The following ZNF142 variants were observed in gnomAD, a reference collection of about 807,000 sequenced individuals.
The protein encoded by ZNF142 is zinc finger protein 142 (clone pHZ-49).
In ZNF142, 96 loss-of-function variants were observed where a neutral mutation model predicts 132.1. That is an observed-to-expected ratio of 0.73 (90% CI 0.62 to 0.86). The LOEUF (loss-of-function observed/expected upper bound fraction) is 0.86, where lower values mean the gene tolerates loss of function less well. Ranked by LOEUF, ZNF142 falls within the 40% of genes least tolerant of loss-of-function variation. The pLI is 0.00. For missense variants in ZNF142, 2,163 were observed against 2,336.2 expected, an observed-to-expected ratio of 0.93 and a Z score of 1.53; for synonymous variants, 842 against 890.1, an observed-to-expected ratio of 0.95 and a Z score of 0.96.
rs1453845977 is a variant in ZNF142 at position 218,634,898 on chromosome 2, T to C, written c.*3441A>G. Among the ~76,000 whole-genome samples, 1 of 152,124 alleles carries C rather than the reference T, an allele frequency of 6.6e-6. No individual in the cohort carries two copies. Among genetic ancestry groups the C allele is most frequent in the East Asian group, 1.9e-4 (1 of 5,196 alleles). ...CTGCCTCACAGGGTTATAAGGAGTA[T>C]AACAGTTAATATAAAGTTCTTACAA... On this transcript the variant is annotated 3_prime_UTR_variant, in exon 11 of 11. Coordinates refer to ENST00000411696, the MANE Select transcript of ZNF142 (RefSeq NM_001379659.1). This position sits in a 1 kb window ranked among gnomAD's most constrained non-coding sequence, Gnocchi z 4.0.
Position 218,643,346 on chromosome 2 carries a change from C to T in ZNF142, c.3770G>A (p.Gly1257Glu). Residue 1257 changes from glycine (G) to glutamate (E), a missense_variant, in exon 9 of 11, where the codon GGA becomes GAA. By Grantham distance (98) the Gly-to-Glu change is moderately conservative. This residue lies in a region of ZNF142 where 809 missense variants were observed against 801.7 expected (regional missense o/e 1.01). Transcript: ENST00000411696. ...EGCRGGRGGG[G>E]KRGTPQTQPD... The stretch of plus-strand genomic sequence containing the variant: ...CTGGGTCTGGGGGGTCCCTCGTTTT[C>T]CTCCCCCGCCACGTCCCCCCCTGCA... 1 of 1,614,170 alleles carries T rather than the reference C, an allele frequency of 6.2e-7. No homozygotes were observed. The highest frequency in any genetic ancestry group is 8.5e-7 in the Non-Finnish European group (1 of 1,180,016).
chr2:218,645,471 G>A (rs1015971854), intron 8 of ZNF142, among the ~76,000 whole-genome samples: 1 of 152,202 alleles, frequency 6.6e-6, no homozygotes, highest in Non-Finnish European at 1.5e-5. Flanking sequence ...ACAGAGGCAT[G>A]ACAGGTCTAG....
At chr2:218,647,340 G>A (rs1319284845) in intron 7 of ZNF142, among the ~76,000 whole-genome samples, 1 of 147,784 alleles carries the variant, frequency 6.8e-6, no homozygotes, top group African/African-American at 2.5e-5. Context: ...GGAGAATGGC[G>A]TGAACCCAGG....
In ZNF142 at chr2:218,643,069, G is replaced by A; in HGVS notation, c.4047C>T (p.Ala1349=). ...LCPFTAPAAT[A]LRLHQKRRHP... is the part of the protein sequence containing the mutation. ...GCCTCCGCTTCTGGTGGAGCCTTAA[G>A]GCAGTGGCAGCAGGAGCAGTGAATG... Residue 1349 remains alanine, a synonymous_variant, in exon 9 of 11, where the codon GCC becomes GCT. Coordinates refer to ENST00000411696, the MANE Select transcript of ZNF142 (RefSeq NM_001379659.1). The A allele has an allele frequency of 6.2e-7, 1 of 1,604,372 alleles. No individual in the cohort carries two copies. Among genetic ancestry groups the A allele is most frequent in the Non-Finnish European group, 8.5e-7 (1 of 1,175,222 alleles).
intron 4 of ZNF142, 30 bp from the exon 5 acceptor site, chr2:218,652,330 A>C (rs753229688): frequency 4.4e-6 from 2 of 456,476 alleles, no homozygotes; most frequent in Non-Finnish European, 8.8e-6. Flanking sequence ...AGAGAAAGGC[A>C]TAGAATCAGA....
At position 218,643,346 on chromosome 2, in the gene ZNF142, C is replaced by A. The variant is rs1169466558; in HGVS notation, c.3770G>T (p.Gly1257Val). The A allele has an allele frequency of 4.3e-6, 7 of 1,614,052 alleles. No homozygotes were observed. Among genetic ancestry groups the A allele is most frequent in the Non-Finnish European group, 5.9e-6 (7 of 1,180,024 alleles). ...CTGGGTCTGGGGGGTCCCTCGTTTT[C>A]CTCCCCCGCCACGTCCCCCCCTGCA... ...EGCRGGRGGG[G>V]KRGTPQTQPD... Residue 1257 changes from glycine (G) to valine (V), a missense_variant, in exon 9 of 11, where the codon GGA (glycine) becomes GTA (valine). Gly to Val is a moderately radical substitution (Grantham distance 109). This residue lies in a region of ZNF142 where 809 missense variants were observed against 801.7 expected (regional missense o/e 1.01). Coordinates refer to ENST00000411696, the MANE Select transcript of ZNF142 (RefSeq NM_001379659.1).
rs1434988229 is a variant in ZNF142 at position 218,635,861 on chromosome 2, G to A, written c.*2478C>T. 6.2e-7 allele frequency: 1 copy of A among 1,613,988 alleles called. No individual in the cohort carries two copies. Among genetic ancestry groups the A allele is most frequent in the Admixed American group, 1.7e-5 (1 of 60,026 alleles). On this transcript the variant is annotated 3_prime_UTR_variant, in exon 11 of 11. Coordinates refer to ENST00000411696, the MANE Select transcript of ZNF142 (RefSeq NM_001379659.1). ...AAGAGGGGTCCATTGTGGATCCACT[G>A]GTGAAAGTGCAGATCTTTGGCGTTC...
In ZNF142 at chr2:218,644,425, T is replaced by C. The variant is rs1174511362; in HGVS notation, c.2691A>G (p.Leu897=). The change falls in exon 9 of 11, where the codon CTA becomes CTG. Residue 897 remains leucine, a synonymous_variant. Coordinates refer to ENST00000411696, the MANE Select transcript of ZNF142 (RefSeq NM_001379659.1). The surrounding 1 kb of genome is among the most constrained non-coding windows in gnomAD (Gnocchi z 4.6). ...EVEEGSCTLH[L]EALGVELESV... Reference sequence around the variant, plus strand: ...ACTCCAGCTCTACTCCCAGGGCCTCTAGGTGTAGTGTGCAGCTGCCCTCCT... The same window carrying C: ...ACTCCAGCTCTACTCCCAGGGCCTCCAGGTGTAGTGTGCAGCTGCCCTCCT... 2.5e-6 allele frequency: 4 copies of C among 1,613,990 alleles called. No individual in the cohort carries two copies. The highest frequency in any genetic ancestry group is 3.3e-5 in the Admixed American group (2 of 60,014).
At position 218,637,693 on chromosome 2, in the gene ZNF142, G is replaced by T. The variant is rs559741592; in HGVS notation, c.*646C>A. 6.6e-6 allele frequency among the ~76,000 whole-genome samples: 1 copy of T among 152,168 alleles called. No homozygotes were observed. The highest frequency in any genetic ancestry group is 6.6e-5 in the Admixed American group (1 of 15,266). On this transcript the variant is annotated 3_prime_UTR_variant, in exon 11 of 11. Transcript: ENST00000411696. ...AGTGGGTAGCAATCCTCCCTCTATA[G>T]ATACAGGTAGACAAAGGAGCTTGGA...
intron 3 of ZNF142, 83 bp from the exon 4 acceptor site, chr2:218,656,546 C>T: frequency 9.8e-7 from 1 of 1,015,890 alleles, no homozygotes; most frequent in Non-Finnish European, 1.3e-6. Flanking sequence ...CAGCCCAGTG[C>T]CCACCCACTT....
rs1303126628 is a variant in ZNF142, at chr2:218,643,082, G to A, written c.4034C>T (p.Pro1345Leu). ...GTGGAGCCTTAAGGCAGTGGCAGCA[G>A]GAGCAGTGAATGGGCAGAGGCTGCA... ...LHCSLCPFTAPAATALRLHQK... is the reference protein window; with the variant it reads ...LHCSLCPFTALAATALRLHQK... Residue 1345 changes from proline to leucine, a missense_variant, in exon 9 of 11, where the codon CCT becomes CTT. Pro to Leu is a moderately conservative substitution (Grantham distance 98, BLOSUM62 -3). Transcript: ENST00000411696. 6.2e-7 allele frequency: 1 copy of A among 1,607,176 alleles called. No homozygotes were observed. Among genetic ancestry groups the A allele is most frequent in the African/African-American group, 1.3e-5 (1 of 74,854 alleles).
intron 7 of ZNF142, among the ~76,000 whole-genome samples, chr2:218,647,683 A>G (rs1379752190): frequency 1.3e-5 from 2 of 152,172 alleles, no homozygotes; most frequent in Admixed American, 1.3e-4. Flanking sequence ...TGAGCTGTCC[A>G]TATTGATGGT....
Position 218,642,038 on chromosome 2 carries a change from G to C in ZNF142, c.5078C>G (p.Ser1693Cys). 1.2e-6 allele frequency: 2 copies of C among 1,613,644 alleles called. No individual in the cohort carries two copies. The highest frequency in any genetic ancestry group is 1.7e-6 in the Non-Finnish European group (2 of 1,179,582). ...HLCPYACADP[S>C]RLKYHMRIHK... ...ATCCTCTGACATTACCTTGAGACGA[G>C]AGGGATCAGCACAGGCATAGGGGCA... is the stretch of plus-strand genomic sequence containing the variant. Residue 1693 changes from serine (S) to cysteine (C), a missense_variant, in exon 9 of 11, where the codon TCT becomes TGT. Around this residue, in one of 7 missense-constraint regions of ZNF142, gnomAD observed 325 missense variants for 367.8 expected, o/e 0.88. Transcript: ENST00000411696. This position sits in a 1 kb window ranked among gnomAD's most constrained non-coding sequence, Gnocchi z 4.6.
Position 218,650,528 on chromosome 2 carries a change from T to G in ZNF142, c.881-2A>C. 6.4e-7 allele frequency: 1 copy of G among 1,565,782 alleles called. No individual in the cohort carries two copies. The stretch of plus-strand genomic sequence containing the variant: ...TCTCTCCTGGAGGCAGTTTGGGAGC[T>G]GGAGATACATAAAACTTGATAAAGT... On this transcript the variant is annotated splice_acceptor_variant, in intron 5 of 10. Transcript: ENST00000411696. LOFTEE classifies it high-confidence loss of function.
At chr2:218,655,616 A>G (rs1938411028) in intron 4 of ZNF142, among the ~76,000 whole-genome samples, 1 of 152,164 alleles carries the variant, frequency 6.6e-6, no homozygotes, top group African/African-American at 2.4e-5. Flanking sequence ...CAGCCTCCCA[A>G]GTAGCTGAGA....
At position 218,648,630 on chromosome 2, in the gene ZNF142, C is replaced by T. The variant is rs1937658874; in HGVS notation, c.1873+5G>A. 2 of 1,610,724 alleles carry T rather than the reference C, an allele frequency of 1.2e-6. No individual in the cohort carries two copies. The highest frequency in any genetic ancestry group is 2.2e-5 in the South Asian group (2 of 90,984). The stretch of plus-strand genomic sequence containing the variant: ...ACATTATTTTAAGGATGGAAACCAT[C>T]CTACCCGTATGTAGAAGCATGTGTC... On this transcript the variant is annotated splice_donor_5th_base_variant and intron_variant, in intron 7 of 10. Coordinates refer to ENST00000411696, the MANE Select transcript of ZNF142 (RefSeq NM_001379659.1).
At position 218,656,149 on chromosome 2, in the gene ZNF142, C is replaced by T. The variant is rs748636453; in HGVS notation, c.280+1G>A. The T allele has an allele frequency of 1.7e-5, 27 of 1,564,154 alleles. No individual in the cohort carries two copies. In the Middle Eastern group the frequency reaches 5.1e-4, roughly 29 times the overall value. On this transcript the variant is annotated splice_donor_variant, in intron 4 of 10. Coordinates refer to ENST00000411696, the MANE Select transcript of ZNF142 (RefSeq NM_001379659.1). LOFTEE classifies it high-confidence loss of function. The stretch of plus-strand genomic sequence containing the variant: ...TGGCCTGCTTGCAACTGTGTTTGTA[C>T]CTGGGGTCTCTCCAGGAGCACCTGG...
intron 4 of ZNF142, 149 bp from the exon 5 acceptor site, chr2:218,652,449 GC>G (rs1374377642): frequency 5.3e-6 from 2 of 377,620 alleles, no homozygotes; most frequent in African/African-American, 4.2e-5. Flanking sequence ...TGGACTGTAG[GC>G]CCCATAAGGT....
At chr2:218,647,249 C>T (rs547212577) in intron 7 of ZNF142, among the ~76,000 whole-genome samples, 52 of 151,588 alleles carry the variant, frequency 3.4e-4, no homozygotes, top group Admixed American at 3.2e-3. Flanking sequence ...CGGTGAAACC[C>T]TGTCTCTACT....
Sources: gnomAD v4.1 joint callset for allele counts (sites outside exome capture counted in the v4.1 genomes callset) on GRCh38, gnomAD v4.1.1 for gene constraint, gnomAD v4.1.1 regional missense constraint, Gnocchi (gnomAD v3.1) non-coding constraint, MANE v1.5 for transcripts, NCBI Gene and HGNC (gene_info 2026-07-23, HGNC 2026-07-21) for gene names.